Variants in NDUFAF2 observed in about 807,000 individuals in gnomAD.
NDUFAF2 encodes NADH:ubiquinone oxidoreductase complex assembly factor 2, also known as NADH dehydrogenase [ubiquinone] 1 alpha subcomplex assembly factor 2.
NDUFAF2 carries 13 observed loss-of-function variants against 22.8 expected under a neutral mutation model. The observed-to-expected ratio is 0.57, with a 90% CI of 0.37 to 0.91. The LOEUF (loss-of-function observed/expected upper bound fraction) is 0.91. Ranked by LOEUF, NDUFAF2 falls within the 40% of genes least tolerant of loss-of-function variation. NDUFAF2 has a pLI of 0.01. For missense variants in NDUFAF2, 162 were observed against 195.2 expected (o/e 0.83, Z 1.01); for synonymous variants, 53 against 64.2 (o/e 0.83, Z 0.84).
At chr5:60,999,309 C>A (rs759884722) in intron 1 of NDUFAF2, among the ~76,000 whole-genome samples, 5 of 152,008 alleles carry the variant, frequency 3.3e-5, no homozygotes, top group Non-Finnish European at 7.4e-5. Flanking sequence ...AGGCAAAAAA[C>A]AACCCAATCA....
chr5:60,981,078 A>G (rs1181775109), intron 1 of NDUFAF2, among the ~76,000 whole-genome samples: 2 of 152,216 alleles, frequency 1.3e-5, no homozygotes, highest in Non-Finnish European at 2.9e-5. Flanking sequence ...ATTTAAGTAC[A>G]ATAAGGTTAT....
chr5:60,945,672 C>CT (rs745462483), intron 1 of NDUFAF2, among the ~76,000 whole-genome samples: 2 of 152,230 alleles, frequency 1.3e-5, no homozygotes, highest in Non-Finnish European at 2.9e-5. Flanking sequence ...CGCACCACCA[C>CT]TTTCCTCCCA....
chr5:61,130,872 A>C (rs1349275756), intron 3 of NDUFAF2, among the ~76,000 whole-genome samples: 1 of 152,172 alleles, frequency 6.6e-6, no homozygotes, highest in Non-Finnish European at 1.5e-5. Flanking sequence ...TAACAATACG[A>C]AACAGTACCA....
chr5:60,981,877 G>A (rs1167314056), intron 1 of NDUFAF2, among the ~76,000 whole-genome samples: 2 of 152,234 alleles, frequency 1.3e-5, no homozygotes, highest in South Asian at 4.1e-4. Flanking sequence ...TTAATAAATG[G>A]TGCTGGGAAA....
chr5:61,034,031 T>G lies in NDUFAF2; in HGVS notation c.128-39094T>G, dbSNP rs183133548. Among the ~76,000 whole-genome samples the G allele has an allele frequency of 2.0e-3, 298 of 152,296 alleles. 1 individual carries two copies. Among genetic ancestry groups the G allele is most frequent in the African/African-American group, 6.9e-3 (287 of 41,572 alleles). ...AGTAGAATCTTGAGAGAAATCAGTA[T>G]GTAATTTGTGAGTTTATTACAGCCA... On this transcript the variant is annotated intron_variant, in intron 1 of 3. Transcript: ENST00000296597.
chr5:61,007,370 G>T (rs1419224290), intron 1 of NDUFAF2, among the ~76,000 whole-genome samples: 3 of 152,100 alleles, frequency 2.0e-5, no homozygotes, highest in African/African-American at 7.2e-5. Context: ...TTATTAAATA[G>T]GGAATCCTTT....
At chr5:61,139,553 C>T (rs1386290817) in intron 3 of NDUFAF2, among the ~76,000 whole-genome samples, 1 of 152,192 alleles carries the variant, frequency 6.6e-6, no homozygotes, top group Non-Finnish European at 1.5e-5. Context: ...ATTTTACAGA[C>T]AACTTAAATT....
At chr5:61,105,141 A>C (rs903073970) in intron 3 of NDUFAF2, among the ~76,000 whole-genome samples, 1 of 146,980 alleles carries the variant, frequency 6.8e-6, no homozygotes, top group Non-Finnish European at 1.5e-5. Flanking sequence ...GTCAGATGTT[A>C]CTGGCCCTGC....
chr5:61,112,888 C>CTT (rs35786013), intron 3 of NDUFAF2, among the ~76,000 whole-genome samples: 200 of 141,136 alleles, frequency 1.4e-3, no homozygotes, highest in South Asian at 8.6e-3. Flanking sequence ...TTAGTTTATT[C>CTT]TTTTTTTTTT....
rs1352282623 is a variant in NDUFAF2 at position 61,007,211 on chromosome 5, T to A, written c.127+61829T>A. Among the ~76,000 whole-genome samples the A allele has an allele frequency of 3.2e-4, 48 of 151,930 alleles. 1 individual carries two copies. ...TTGCCCATGCCTATGTCCTGAATGG[T>A]AATGCCTAGGTTTTCTTCTAGGGTT... is the stretch of plus-strand genomic sequence containing the variant. On this transcript the variant is annotated intron_variant, in intron 1 of 3. Transcript: ENST00000296597.
intron 3 of NDUFAF2, among the ~76,000 whole-genome samples, chr5:61,106,133 T>C (rs1460260778): frequency 1.3e-5 from 2 of 151,484 alleles, no homozygotes; most frequent in African/African-American, 4.9e-5. Flanking sequence ...CAAGTGATAA[T>C]TGGGAAAAAA....
chr5:61,095,487 A>C (rs1752628012), intron 2 of NDUFAF2, among the ~76,000 whole-genome samples: 1 of 152,216 alleles, frequency 6.6e-6, no homozygotes, highest in Non-Finnish European at 1.5e-5. Context: ...CCTGCGGACC[A>C]TCACTGCTTA....
chr5:61,132,240 C>G (rs1753121125), intron 3 of NDUFAF2, among the ~76,000 whole-genome samples: 1 of 152,194 alleles, frequency 6.6e-6, no homozygotes, highest in African/African-American at 2.4e-5. Flanking sequence ...GGATTTAGAA[C>G]AGTACCTGGC....
chr5:61,005,111 C>T (rs767608506), intron 1 of NDUFAF2, among the ~76,000 whole-genome samples: 9 of 151,972 alleles, frequency 5.9e-5, no homozygotes, highest in East Asian at 3.9e-4. Flanking sequence ...TGACAGACCC[C>T]GGTGTGCGAT....
chr5:61,030,811 T>C (rs900487405), intron 1 of NDUFAF2, among the ~76,000 whole-genome samples: 1 of 152,142 alleles, frequency 6.6e-6, no homozygotes, highest in South Asian at 2.1e-4. Flanking sequence ...ATTCTTCATA[T>C]AACTAATGAG....
intron 1 of NDUFAF2, among the ~76,000 whole-genome samples, chr5:61,020,547 ATGTG>A (rs68178917): frequency 0.14 from 20,820 of 147,926 alleles, 1,701 homozygotes; most frequent in South Asian, 0.27. Flanking sequence ...GGGTTTTGTT[ATGTG>A]TGTGTGTGTG....
chr5:60,998,447 T>A (rs546449201), intron 1 of NDUFAF2, among the ~76,000 whole-genome samples: 8 of 152,216 alleles, frequency 5.3e-5, no homozygotes, highest in African/African-American at 1.7e-4. Context: ...TAATGTATTT[T>A]AAAAAAATTA....
intron 1 of NDUFAF2, among the ~76,000 whole-genome samples, chr5:61,069,748 T>C (rs942191216): frequency 6.6e-6 from 1 of 152,122 alleles, no homozygotes; most frequent in African/African-American, 2.4e-5. Flanking sequence ...TCATCTACGA[T>C]ATGCCTTGGG....
intron 1 of NDUFAF2, among the ~76,000 whole-genome samples, chr5:60,959,128 C>G (rs1006695289): frequency 1.3e-5 from 2 of 151,980 alleles, no homozygotes; most frequent in Non-Finnish European, 2.9e-5. Context: ...AGGATCAAAA[C>G]AAATGAAATG....
Sources: gnomAD v4.1 joint callset for allele counts (sites outside exome capture counted in the v4.1 genomes callset) on GRCh38, gnomAD v4.1.1 for gene constraint, MANE v1.5 for transcripts, NCBI Gene and HGNC (gene_info 2026-07-23, HGNC 2026-07-21) for gene names.